Variants in DENND2B observed in about 807,000 individuals in gnomAD.
The protein encoded by DENND2B is DENN domain-containing protein 2B.
Under a neutral mutation model 116.0 loss-of-function variants are expected in DENND2B, and 32 were observed. The observed-to-expected ratio is 0.28, with a 90% CI of 0.21 to 0.37. The LOEUF (loss-of-function observed/expected upper bound fraction) is 0.37. Among genes scored for constraint, DENND2B ranks in the 10% least tolerant of loss-of-function variants. DENND2B has a pLI of 1.00. For missense variants in DENND2B, 1,276 were observed against 1,477.7 expected (o/e 0.86, Z 2.24); for synonymous variants, 588 against 583.9 (o/e 1.01, Z -0.10).
chr11:8,801,995 GAAAAAAAAAAAA>G (rs35017643), intron 1 of DENND2B, among the ~76,000 whole-genome samples: 1 of 58,912 alleles, frequency 1.7e-5, no homozygotes, highest in African/African-American at 7.7e-5. Flanking sequence ...CTCTCTTGGG[GAAAAAAAAAAAA>G]AAAAAAAAAA....
upstream of DENND2B, chr11:8,810,992 G>A (rs1293341204): frequency 6.9e-6 from 2 of 290,080 alleles, no homozygotes; most frequent in Non-Finnish European, 6.3e-6. Flanking sequence ...GAAGGGAGAA[G>A]ACAGTGAGTG....
chr11:8,702,465 T>A lies in DENND2B; in HGVS notation c.2720+107A>T. On this transcript the variant is annotated intron_variant, in intron 14 of 19. Coordinates refer to ENST00000313726, the MANE Select transcript of DENND2B (RefSeq NM_213618.2). The surrounding 1 kb of genome is among the most constrained non-coding windows in gnomAD (Gnocchi z 4.6). ...TCCATCTCCCTACGCACAGCCCCACTCCAGCACTGGTCTCCGGCGCCTGCT... is the reference window on the plus strand; with the variant it reads ...TCCATCTCCCTACGCACAGCCCCACACCAGCACTGGTCTCCGGCGCCTGCT... The A allele has an allele frequency of 6.6e-7, 1 of 1,513,342 alleles. No individual in the cohort carries two copies. The highest frequency in any genetic ancestry group is 1.2e-5 in the South Asian group (1 of 85,476). The allele number at this position is 1,513,342 out of a possible 1,614,324, so 93.7% of individuals were successfully genotyped here. A position where few individuals can be genotyped will look rare whatever the true frequency, so the allele number is the denominator to read the frequency against.
chr11:8,900,874 C>A (rs2064158820), intron 1 of DENND2B, among the ~76,000 whole-genome samples: 1 of 151,934 alleles, frequency 6.6e-6, no homozygotes, highest in African/African-American at 2.4e-5. Context: ...GCAGCTGAGG[C>A]AGGAGAATCA....
Position 8,880,015 on chromosome 11 carries a change from G to C in DENND2B, c.-156+995C>G, listed in dbSNP as rs190582133. 8.5e-5 allele frequency among the ~76,000 whole-genome samples: 13 copies of C among 152,258 alleles called. No homozygotes were observed. In the East Asian group the frequency reaches 2.5e-3, roughly 29 times the overall value. On this transcript the variant is annotated intron_variant, in intron 2 of 22. Coordinates refer to the DENND2B transcript ENST00000534127. ...TGAACATTTAGGTACCAATAGAATG[G>C]TGGTGGTAGTTTTCATGCATCTACT...
At chr11:8,901,029 G>T (rs1383952196) in intron 1 of DENND2B, among the ~76,000 whole-genome samples, 1 of 150,336 alleles carries the variant, frequency 6.7e-6, no homozygotes, top group Admixed American at 6.6e-5. Context: ...GGAATTACAG[G>T]CGTGAGCCAC....
chr11:8,792,550 CGTATGTAT>C (rs2059477281), intron 1 of DENND2B, among the ~76,000 whole-genome samples: 1 of 151,842 alleles, frequency 6.6e-6, no homozygotes, highest in Non-Finnish European at 1.5e-5. Context: ...GTCCTAATGC[CGTATGTAT>C]GTAAAAGCTC....
At chr11:8,752,186 C>T (rs1483575281) in intron 1 of DENND2B, among the ~76,000 whole-genome samples, 99 of 152,320 alleles carry the variant, frequency 6.5e-4, no homozygotes, top group Non-Finnish European at 2.6e-4. Context: ...GGCGTGGTGG[C>T]TCACGCCTGT....
At chr11:8,789,256 C>G (rs1056380199) in intron 1 of DENND2B, among the ~76,000 whole-genome samples, 1 of 152,194 alleles carries the variant, frequency 6.6e-6, no homozygotes, top group African/African-American at 2.4e-5. Flanking sequence ...TTAATAGTTA[C>G]AGATAATGGT....
intron 1 of DENND2B, among the ~76,000 whole-genome samples, chr11:8,793,743 G>A (rs2059581457): frequency 6.6e-6 from 1 of 152,066 alleles, no homozygotes; most frequent in African/African-American, 2.4e-5. Flanking sequence ...GGAATTGCTG[G>A]GTCATATGGC....
upstream of DENND2B, among the ~76,000 whole-genome samples, chr11:8,873,830 C>T (rs757775459): frequency 6.6e-5 from 10 of 152,154 alleles, no homozygotes; most frequent in African/African-American, 9.7e-5. Flanking sequence ...GTTGTAGAGA[C>T]ATGTGACTTA....
At chr11:8,875,326 G>GA (rs1426384383), upstream of DENND2B, among the ~76,000 whole-genome samples, 499 of 107,622 alleles carry the variant, frequency 4.6e-3, no homozygotes, top group Non-Finnish European at 4.9e-3. Flanking sequence ...CAGTCTCAAA[G>GA]AAAAAAAAAA....
chr11:8,823,719 GT>G (rs896815720), intron 4 of DENND2B, among the ~76,000 whole-genome samples: 3 of 152,060 alleles, frequency 2.0e-5, no homozygotes, highest in African/African-American at 7.2e-5. Context: ...ATGTGGAACT[GT>G]GAGTCAATTA....
chr11:8,814,840 C>T (rs560562667), upstream of DENND2B, among the ~76,000 whole-genome samples: 4 of 152,268 alleles, frequency 2.6e-5, no homozygotes, highest in East Asian at 3.9e-4. Context: ...TCTTCCTGTC[C>T]GACAGGAAGA....
rs770044660 is a variant in DENND2B, at chr11:8,707,039, C to G, written c.2571+46G>C. 1.3e-6 allele frequency: 2 copies of G among 1,581,626 alleles called. No homozygotes were observed. Among genetic ancestry groups the G allele is most frequent in the East Asian group, 4.5e-5 (2 of 44,478 alleles). On this transcript the variant is annotated intron_variant, in intron 13 of 19. Transcript: ENST00000313726. The surrounding 1 kb of genome is among the most constrained non-coding windows in gnomAD (Gnocchi z 4.8). ...GACCTTGGCCAGCATGGTCCTCCTG[C>G]CACCCCAGCCCGTAGCCCGAGAGAA...
chr11:8,790,601 T>G (rs2059298472), intron 1 of DENND2B, among the ~76,000 whole-genome samples: 2 of 152,122 alleles, frequency 1.3e-5, no homozygotes, highest in Non-Finnish European at 2.9e-5. Flanking sequence ...AGGCCCCATC[T>G]CTACAAAATT....
intron 2 of DENND2B, among the ~76,000 whole-genome samples, chr11:8,863,778 T>G (rs531572739): frequency 6.6e-6 from 1 of 152,342 alleles, no homozygotes; most frequent in South Asian, 2.1e-4. Context: ...TCCAGGTATC[T>G]ATGTACAGAT....
chr11:8,857,307 A>G (rs762365866), intron 3 of DENND2B: 1 of 152,234 alleles, frequency 6.6e-6, no homozygotes, highest in Non-Finnish European at 1.5e-5. Flanking sequence ...AGAAACAGAA[A>G]TAACTAAAAT....
intron 3 of DENND2B, among the ~76,000 whole-genome samples, chr11:8,848,295 AGAACAACTGTAAAT>A (rs2062881170): frequency 1.3e-5 from 2 of 152,238 alleles, no homozygotes; most frequent in South Asian, 4.1e-4. Flanking sequence ...ATTATGTCCA[AGAACAACTGTAAAT>A]GAGACTTAAA....
chr11:8,786,646 C>G (rs530786635), intron 1 of DENND2B, among the ~76,000 whole-genome samples: 2 of 152,196 alleles, frequency 1.3e-5, no homozygotes, highest in African/African-American at 4.8e-5. Flanking sequence ...CCCATCTCTA[C>G]AAAAAGTTTA....
Sources: allele counts gnomAD v4.1 joint callset (sites outside exome capture counted in the v4.1 genomes callset), GRCh38; gene constraint gnomAD v4.1.1; non-coding constraint Gnocchi (gnomAD v3.1); transcripts MANE v1.5; gene names NCBI Gene and HGNC (gene_info 2026-07-23, HGNC 2026-07-21).